IGSF5: variants seen among roughly 807,000 people sequenced by gnomAD.
The protein encoded by IGSF5 is immunoglobulin superfamily 5 like.
IGSF5 carries 41 observed loss-of-function variants against 39.4 expected under a neutral mutation model. The observed-to-expected ratio is 1.04, with a 90% CI of 0.81 to 1.35. IGSF5 has a LOEUF of 1.35. IGSF5 is among the 40% of genes most tolerant of loss of function. The probability of loss-of-function intolerance (pLI) is 0.00; values close to 1 mark genes in which losing one functional copy is unlikely to be tolerated. For missense variants in IGSF5, 487 were observed against 494.6 expected (o/e 0.98, Z 0.15); for synonymous variants, 183 against 175.3 (o/e 1.04, Z -0.34).
intron 4 of IGSF5, among the ~76,000 whole-genome samples, chr21:39,774,500 A>G (rs2080129913): frequency 6.6e-6 from 1 of 152,220 alleles, no homozygotes. Flanking sequence ...TTATAGTTCA[A>G]AAGGTTTCTT....
the IGSF5 span, among the ~76,000 whole-genome samples, chr21:39,730,973 C>A: frequency 3.3e-5 from 5 of 152,304 alleles, no homozygotes; most frequent in East Asian, 1.9e-4. Flanking sequence ...AAAGGCCTCT[C>A]GCCTATCAGC....
the IGSF5 span, among the ~76,000 whole-genome samples, chr21:39,724,418 G>T: frequency 6.6e-6 from 1 of 152,188 alleles, no homozygotes; most frequent in African/African-American, 2.4e-5. Flanking sequence ...CCTACGTGTT[G>T]TGGGAGGGAC....
At chr21:39,736,702 C>T in the IGSF5 span, among the ~76,000 whole-genome samples, 9 of 152,228 alleles carry the variant, frequency 5.9e-5, no homozygotes, top group East Asian at 1.9e-4. Flanking sequence ...ATGGAACTTC[C>T]GAGAGTGGCT....
chr21:39,735,408 CTTT>C, the IGSF5 span, among the ~76,000 whole-genome samples: 3 of 152,062 alleles, frequency 2.0e-5, no homozygotes, highest in Non-Finnish European at 4.4e-5. Flanking sequence ...TTATTTTCTT[CTTT>C]ATGTTGAGTC....
At chr21:39,723,163 G>T in the IGSF5 span, among the ~76,000 whole-genome samples, 1 of 152,200 alleles carries the variant, frequency 6.6e-6, no homozygotes, top group Non-Finnish European at 1.5e-5. Flanking sequence ...AGGCACTGGT[G>T]AGGGCTAGGG....
rs780034163 is a variant in IGSF5, at chr21:39,785,674, T to C, written c.935-2493T>C. On this transcript the variant is annotated intron_variant, in intron 5 of 8. Coordinates refer to ENST00000380588, the MANE Select transcript of IGSF5 (RefSeq NM_001080444.2). The stretch of plus-strand genomic sequence containing the variant: ...GTATGGCCATTTTCATGATATTGAT[T>C]CTTCCTACCCATGAGCATGGAATGT... Among the ~76,000 whole-genome samples, 1,335 of 152,240 alleles carry C rather than the reference T, an allele frequency of 8.8e-3. 7 individuals are homozygous for C. Among genetic ancestry groups the C allele is most frequent in the Middle Eastern group, 0.017 (5 of 294 alleles).
chr21:39,712,288 T>C, the IGSF5 span, among the ~76,000 whole-genome samples: 11 of 152,300 alleles, frequency 7.2e-5, no homozygotes, highest in South Asian at 2.1e-3. Flanking sequence ...GGTGAACCCA[T>C]GCTCACTTGC....
At chr21:39,776,213 A>ATAT (rs1461101021) in intron 4 of IGSF5, among the ~76,000 whole-genome samples, 1 of 112,094 alleles carries the variant, frequency 8.9e-6, no homozygotes, top group Non-Finnish European at 2.0e-5. Flanking sequence ...TATAGATATA[A>ATAT]AATATATATT....
chr21:39,740,825 G>A (rs557576369), upstream of IGSF5, among the ~76,000 whole-genome samples: 2 of 152,212 alleles, frequency 1.3e-5, no homozygotes, highest in African/African-American at 4.8e-5. Flanking sequence ...AAGTAATAGA[G>A]CCTGATATTT....
At chr21:39,795,348 C>T (rs2086989690) in intron 8 of IGSF5, among the ~76,000 whole-genome samples, 1 of 151,980 alleles carries the variant, frequency 6.6e-6, no homozygotes, top group African/African-American at 2.4e-5. Context: ...TCGCTCCCAC[C>T]CCAGCTCCAA....
chr21:39,769,467 C>CAAAAAAAA (rs34427585), intron 3 of IGSF5, among the ~76,000 whole-genome samples: 5 of 79,826 alleles, frequency 6.3e-5, no homozygotes, highest in Non-Finnish European at 7.2e-5. Flanking sequence ...AAGTCTGTCT[C>CAAAAAAAA]AAAAAAAAAA....
intron 3 of IGSF5, among the ~76,000 whole-genome samples, chr21:39,768,083 A>G (rs2146281192): frequency 6.6e-6 from 1 of 152,322 alleles, no homozygotes; most frequent in Non-Finnish European, 1.5e-5. Flanking sequence ...TATATTGGTA[A>G]TTATGGTAGT....
At chr21:39,792,420 C>T (rs1174012609) in intron 7 of IGSF5, among the ~76,000 whole-genome samples, 1 of 151,970 alleles carries the variant, frequency 6.6e-6, no homozygotes, top group Non-Finnish European at 1.5e-5. Context: ...AGGAGATATA[C>T]CTAATGTAAA....
intron 2 of IGSF5, among the ~76,000 whole-genome samples, chr21:39,752,887 A>T (rs2080012493): frequency 6.6e-6 from 1 of 151,400 alleles, no homozygotes; most frequent in African/African-American, 2.4e-5. Context: ...TTCCTTGTAG[A>T]TTCTGGATAC....
At chr21:39,737,686 C>G in the IGSF5 span, among the ~76,000 whole-genome samples, 1 of 152,180 alleles carries the variant, frequency 6.6e-6, no homozygotes, top group Non-Finnish European at 1.5e-5. Flanking sequence ...GGGTGTGTGG[C>G]CCCCCAGGAA....
intron 1 of IGSF5, 46 bp downstream of exon 1, chr21:39,745,572 G>T: frequency 4.2e-6 from 3 of 715,528 alleles, no homozygotes; most frequent in South Asian, 1.5e-5. Flanking sequence ...ACTTCTGGCT[G>T]AGCCATGATC....
the IGSF5 span, among the ~76,000 whole-genome samples, chr21:39,718,631 A>G: frequency 1.3e-5 from 2 of 152,144 alleles, no homozygotes; most frequent in Non-Finnish European, 1.5e-5. Context: ...CTTTAGTTCT[A>G]TTTATGTGAT....
chr21:39,772,766 G>C (rs941713248), intron 4 of IGSF5, among the ~76,000 whole-genome samples: 5 of 152,128 alleles, frequency 3.3e-5, no homozygotes, highest in African/African-American at 1.2e-4. Flanking sequence ...TTTGACTTAG[G>C]TTACATATTT....
At chr21:39,712,869 T>C in the IGSF5 span, among the ~76,000 whole-genome samples, 1 of 152,190 alleles carries the variant, frequency 6.6e-6, no homozygotes, top group African/African-American at 2.4e-5. Flanking sequence ...TGAATTTTTC[T>C]TCTTGTAAGT....
Sources: gnomAD v4.1 joint callset for allele counts (sites outside exome capture counted in the v4.1 genomes callset) on GRCh38, gnomAD v4.1.1 for gene constraint, MANE v1.5 for transcripts, NCBI Gene and HGNC (gene_info 2026-07-23, HGNC 2026-07-21) for gene names.